The following ABCD3 variants were observed in gnomAD, a reference collection of about 807,000 sequenced individuals.
ABCD3 encodes the protein ATP binding cassette subfamily D member 3, also known as ATP-binding cassette sub-family D member 3.
A neutral mutation model predicts 105.5 loss-of-function variants in ABCD3; 41 were observed. The ratio of observed to expected loss-of-function variants is 0.39; its 90% confidence interval spans 0.30 to 0.50. The LOEUF (loss-of-function observed/expected upper bound fraction) is 0.50. Among genes scored for constraint, ABCD3 ranks in the 20% least tolerant of loss-of-function variants. The pLI, the probability that ABCD3 is intolerant of heterozygous loss-of-function variation, is 0.84. For missense variants in ABCD3, 622 were observed against 806.3 expected (o/e 0.77, Z 2.77); for synonymous variants, 258 against 269.0 (o/e 0.96, Z 0.40).
chr1:94,509,583 C>G (rs1457386563), intron 21 of ABCD3, among the ~76,000 whole-genome samples: 1 of 152,104 alleles, frequency 6.6e-6, no homozygotes, highest in Non-Finnish European at 1.5e-5. Context: ...CTCCTTGTAC[C>G]TCTGGTAGAA....
intron 1 of ABCD3, among the ~76,000 whole-genome samples, chr1:94,420,602 A>T (rs1031818545): frequency 2.6e-5 from 4 of 152,338 alleles, no homozygotes; most frequent in Non-Finnish European, 5.9e-5. Context: ...GATTCTGAGC[A>T]GATAATCATG....
chr1:94,422,006 A>G (rs80261703), intron 1 of ABCD3, among the ~76,000 whole-genome samples: 123 of 152,260 alleles, frequency 8.1e-4, no homozygotes, highest in African/African-American at 2.8e-3. Context: ...GTCCTTCCCT[A>G]CTTTTCCCAC....
At chr1:94,457,943 TC>T (rs1221801826) in intron 1 of ABCD3, among the ~76,000 whole-genome samples, 1 of 152,042 alleles carries the variant, frequency 6.6e-6, no homozygotes, top group African/African-American at 2.4e-5. Flanking sequence ...GGAATATACA[TC>T]CAACAAGAAA....
At chr1:94,475,576 C>T (rs1441593293) in intron 6 of ABCD3, 38 bp from the exon 7 acceptor site, 1 of 1,587,966 alleles carries the variant, frequency 6.3e-7, no homozygotes, top group South Asian at 1.1e-5. Context: ...TCTTTAAAGT[C>T]ACTTGTTTTA....
intron 7 of ABCD3, among the ~76,000 whole-genome samples, chr1:94,477,686 AGTTGTCTCTGTGTGTAAAGAGCAGT>A (rs1648831317): frequency 6.6e-6 from 1 of 151,510 alleles, no homozygotes; most frequent in African/African-American, 2.4e-5. Context: ...GCATTAGTTG[AGTTGTCTCTGTGTGTAAAGAGCAGT>A]ACATTAATGT....
chr1:94,431,170 G>T (rs1018670656), intron 1 of ABCD3, among the ~76,000 whole-genome samples: 1 of 152,114 alleles, frequency 6.6e-6, no homozygotes, highest in East Asian at 1.9e-4. Context: ...TAAATTCATT[G>T]TTGTTGCCAT....
intron 1 of ABCD3, among the ~76,000 whole-genome samples, chr1:94,423,470 TCTTA>T (rs1201454501): frequency 1.3e-5 from 2 of 152,192 alleles, no homozygotes; most frequent in South Asian, 4.1e-4. Context: ...TTTAGTGACA[TCTTA>T]CTTCGCTTCC....
intron 20 of ABCD3, among the ~76,000 whole-genome samples, chr1:94,501,916 T>A (rs576703855): frequency 6.6e-6 from 1 of 151,916 alleles, no homozygotes; most frequent in Non-Finnish European, 1.5e-5. Flanking sequence ...TCCCCCTTTC[T>A]CAAATTCCCT....
chr1:94,499,935 G>T (rs1327398264), intron 20 of ABCD3, among the ~76,000 whole-genome samples: 1 of 152,104 alleles, frequency 6.6e-6, no homozygotes, highest in Non-Finnish European at 1.5e-5. Flanking sequence ...GCTGGGTTAT[G>T]AAATTTCTTC....
chr1:94,482,811 A>G (rs1200756368), intron 9 of ABCD3: 2 of 232,670 alleles, frequency 8.6e-6, no homozygotes, highest in Non-Finnish European at 1.7e-5. Context: ...TTGGGCCTGT[A>G]CTTTAACTTG....
chr1:94,451,641 T>C (rs938064312), intron 1 of ABCD3, among the ~76,000 whole-genome samples: 3 of 152,244 alleles, frequency 2.0e-5, no homozygotes, highest in Non-Finnish European at 2.9e-5. Flanking sequence ...TCTAAGCATT[T>C]TAAAAAATTG....
At chr1:94,503,564 C>G (rs1358291786) in intron 20 of ABCD3, among the ~76,000 whole-genome samples, 4 of 152,146 alleles carry the variant, frequency 2.6e-5, no homozygotes, top group Non-Finnish European at 4.4e-5. Flanking sequence ...AGACATTTTT[C>G]AGGTCTCTTT....
chr1:94,449,689 A>C (rs1211792568), intron 1 of ABCD3, among the ~76,000 whole-genome samples: 1 of 152,256 alleles, frequency 6.6e-6, no homozygotes, highest in East Asian at 1.9e-4. Context: ...GGTGCTGCAC[A>C]GTGATTTCTA....
intron 1 of ABCD3, among the ~76,000 whole-genome samples, chr1:94,420,102 T>A (rs1435665757): frequency 2.0e-5 from 3 of 152,226 alleles, no homozygotes; most frequent in African/African-American, 7.2e-5. Context: ...TGGATTACTT[T>A]TATGATTATA....
At chr1:94,431,323 A>G (rs1010672505) in intron 1 of ABCD3, among the ~76,000 whole-genome samples, 1 of 152,214 alleles carries the variant, frequency 6.6e-6, no homozygotes, top group Non-Finnish European at 1.5e-5. Flanking sequence ...GTAGAAATCA[A>G]TCAACTACTC....
At chr1:94,497,490 G>A (rs937951523) in intron 16 of ABCD3, among the ~76,000 whole-genome samples, 1 of 152,152 alleles carries the variant, frequency 6.6e-6, no homozygotes, top group Admixed American at 6.5e-5. Context: ...GTTTAGTGTT[G>A]TAAGCTAGAA....
chr1:94,423,400 G>A (rs541202643), intron 1 of ABCD3, among the ~76,000 whole-genome samples: 8 of 152,330 alleles, frequency 5.3e-5, no homozygotes, highest in African/African-American at 1.9e-4. Flanking sequence ...TCTGTAAATG[G>A]TGGGAACACA....
At chr1:94,480,697 G>A in intron 9 of ABCD3, 91 bp downstream of exon 9, 2 of 1,327,896 alleles carry the variant, frequency 1.5e-6, no homozygotes, top group Non-Finnish European at 2.2e-6. Flanking sequence ...TAGTGACACT[G>A]TTACTGTAAT....
chr1:94,505,933 C>T (rs1650330140), intron 20 of ABCD3, among the ~76,000 whole-genome samples: 1 of 152,144 alleles, frequency 6.6e-6, no homozygotes, highest in Non-Finnish European at 1.5e-5. Context: ...AATAAACAAT[C>T]CCCAGAAAAT....
Sources: gnomAD v4.1 joint callset for allele counts (sites outside exome capture counted in the v4.1 genomes callset) on GRCh38, gnomAD v4.1.1 for gene constraint, MANE v1.5 for transcripts, NCBI Gene and HGNC (gene_info 2026-07-23, HGNC 2026-07-21) for gene names.